TSHZ2: variants seen among roughly 807,000 people sequenced by gnomAD.
The protein encoded by TSHZ2 is teashirt zinc finger homeobox 2, also known as teashirt homolog 2.
A neutral mutation model predicts 74.4 loss-of-function variants in TSHZ2; 21 were observed. The observed-to-expected ratio is 0.28, with a 90% CI of 0.20 to 0.41. The LOEUF is 0.41. Among genes scored for constraint, TSHZ2 ranks in the 10% least tolerant of loss-of-function variants. The probability of loss-of-function intolerance (pLI) is 1.00; values close to 1 mark genes in which losing one functional copy is unlikely to be tolerated. For missense variants in TSHZ2, 1,244 were observed against 1,293.5 expected (o/e 0.96, Z 0.59); for synonymous variants, 540 against 515.3 (o/e 1.05, Z -0.65).
At chr20:53,243,449 T>C (rs1272106981) in intron 1 of TSHZ2, among the ~76,000 whole-genome samples, 1 of 152,176 alleles carries the variant, frequency 6.6e-6, no homozygotes, top group African/African-American at 2.4e-5. Flanking sequence ...TTCTCCCCAA[T>C]CCTTTGATTC....
intron 1 of TSHZ2, among the ~76,000 whole-genome samples, chr20:53,151,717 A>C (rs1392916068): frequency 6.6e-6 from 1 of 152,172 alleles, no homozygotes; most frequent in Non-Finnish European, 1.5e-5. Flanking sequence ...ATCAAAGATA[A>C]GGGATTGTGA....
At chr20:53,250,052 C>G (rs569612001) in intron 1 of TSHZ2, among the ~76,000 whole-genome samples, 1 of 152,036 alleles carries the variant, frequency 6.6e-6, no homozygotes, top group East Asian at 1.9e-4. Flanking sequence ...CGGATTTGCT[C>G]GTGAATCAGC....
chr20:53,034,479 G>T (rs6022236), intron 1 of TSHZ2, among the ~76,000 whole-genome samples: 110,498 of 151,910 alleles, frequency 0.73, 41,679 homozygotes, highest in East Asian at 0.96. Flanking sequence ...CCTGGCTTCA[G>T]GGAGATGACG....
intron 2 of TSHZ2, among the ~76,000 whole-genome samples, chr20:53,323,532 C>T (rs970495375): frequency 7.2e-6 from 1 of 139,312 alleles, no homozygotes; most frequent in Admixed American, 7.4e-5. Context: ...TTCTTCCCAT[C>T]AAAGCCACCC....
At chr20:52,997,259 C>CG (rs141577108) in intron 1 of TSHZ2, among the ~76,000 whole-genome samples, 45,925 of 148,962 alleles carry the variant, frequency 0.31, 7,774 homozygotes, top group Non-Finnish European at 0.41. Flanking sequence ...CATCTTGCCC[C>CG]GGGGGGGGGT....
At chr20:52,977,310 T>C (rs1193621207) in intron 1 of TSHZ2, among the ~76,000 whole-genome samples, 1 of 152,164 alleles carries the variant, frequency 6.6e-6, no homozygotes, top group Non-Finnish European at 1.5e-5. Flanking sequence ...TCCCTCACTT[T>C]GTTTAAACAT....
At chr20:53,438,662 A>G (rs940660782) in intron 2 of TSHZ2, among the ~76,000 whole-genome samples, 3 of 152,154 alleles carry the variant, frequency 2.0e-5, no homozygotes, top group Admixed American at 2.0e-4. Context: ...TGGATCCCCA[A>G]ATAAAAATTA....
intron 1 of TSHZ2, among the ~76,000 whole-genome samples, chr20:53,152,790 A>T (rs1371855468): frequency 1.3e-5 from 2 of 152,192 alleles, no homozygotes; most frequent in African/African-American, 4.8e-5. Context: ...GTGAAATGAT[A>T]AAAGCATAAG....
chr20:53,232,313 T>C (rs2123673616), intron 1 of TSHZ2, among the ~76,000 whole-genome samples: 1 of 152,306 alleles, frequency 6.6e-6, no homozygotes, highest in Admixed American at 6.5e-5. Flanking sequence ...AATTCACACG[T>C]TTATTTTTGC....
intron 2 of TSHZ2, among the ~76,000 whole-genome samples, chr20:53,268,037 G>A (rs6091655): frequency 0.1 from 15,356 of 152,182 alleles, 869 homozygotes; most frequent in Middle Eastern, 0.13. Flanking sequence ...AAAGTCCATG[G>A]AGGCTCAGTG....
At chr20:53,427,463 A>G (rs1381884488) in intron 2 of TSHZ2, among the ~76,000 whole-genome samples, 1 of 151,576 alleles carries the variant, frequency 6.6e-6, no homozygotes, top group African/African-American at 2.4e-5. Flanking sequence ...CAGAATCTGT[A>G]GGGGGAAAAA....
Position 53,293,657 on chromosome 20 carries a change from C to T in TSHZ2, c.*8+37086C>T, listed in dbSNP as rs184717849. Among the ~76,000 whole-genome samples, 74 of 145,706 alleles carry T rather than the reference C, an allele frequency of 5.1e-4. No individual in the cohort carries two copies. In the East Asian group the frequency reaches 0.01, roughly 20 times the overall value. Reference sequence around the variant, plus strand: ...GGATGCTGCTCTGTCAATTACCAGGCATGTACCCAGTGCTGTGCTGGTAAA... The same window carrying T: ...GGATGCTGCTCTGTCAATTACCAGGTATGTACCCAGTGCTGTGCTGGTAAA... On this transcript the variant is annotated intron_variant, in intron 2 of 2. Coordinates refer to ENST00000371497, the MANE Select transcript of TSHZ2 (RefSeq NM_173485.6).
intron 1 of TSHZ2, among the ~76,000 whole-genome samples, chr20:52,983,697 C>A (rs752290659): frequency 6.6e-6 from 1 of 152,216 alleles, no homozygotes; most frequent in African/African-American, 2.4e-5. Context: ...TTTTGCGCAT[C>A]GTGACATCAC....
At chr20:53,266,344 C>T (rs185676236) in intron 2 of TSHZ2, among the ~76,000 whole-genome samples, 7 of 152,234 alleles carry the variant, frequency 4.6e-5, no homozygotes, top group African/African-American at 1.4e-4. Flanking sequence ...AGTATTTGTG[C>T]GCTCTGCCCC....
At chr20:53,427,936 A>G (rs924748453) in intron 2 of TSHZ2, among the ~76,000 whole-genome samples, 2 of 152,224 alleles carry the variant, frequency 1.3e-5, no homozygotes, top group Non-Finnish European at 2.9e-5. Flanking sequence ...GGAGGGGGAC[A>G]TGGGCGAGAT....
intron 2 of TSHZ2, among the ~76,000 whole-genome samples, chr20:53,478,541 T>C (rs74175976): frequency 0.2 from 27,928 of 142,500 alleles, 2,984 homozygotes; most frequent in East Asian, 0.3. Flanking sequence ...AGGGATAGCA[T>C]TGGGAGATAT....
At chr20:53,053,581 GTATATA>G (rs10566003) in intron 1 of TSHZ2, among the ~76,000 whole-genome samples, 8 of 150,010 alleles carry the variant, frequency 5.3e-5, no homozygotes, top group African/African-American at 1.7e-4. Context: ...ATATGTGTGT[GTATATA>G]TATATATATA....
intron 2 of TSHZ2, among the ~76,000 whole-genome samples, chr20:53,357,952 T>G (rs141218647): frequency 6.6e-6 from 1 of 152,214 alleles, no homozygotes. Flanking sequence ...AGAAGATATT[T>G]CTATGAAAAC....
Position 53,255,751 on chromosome 20 carries a change from A to C in TSHZ2, c.2293A>C (p.Ile765Leu), listed in dbSNP as rs1274889232. The C allele has an allele frequency of 3.7e-6, 6 of 1,613,936 alleles. No individual in the cohort carries two copies. Among genetic ancestry groups the C allele is most frequent in the Non-Finnish European group, 5.1e-6 (6 of 1,179,944 alleles). ...RYLFENSDQPIDLTKSKSKKA... is the reference protein window; with the variant it reads ...RYLFENSDQPLDLTKSKSKKA... ...CCTGTTTGAGAACAGCGATCAGCCC[A>C]TTGACCTGACCAAGTCCAAAAGCAA... The change falls in exon 2 of 3, where the codon ATT (isoleucine) becomes CTT (leucine). Residue 765 changes from isoleucine (I) to leucine (L), a missense_variant. Physicochemically the swap from Ile to Leu is conservative, Grantham distance 5. Around this residue, in one of 6 missense-constraint regions of TSHZ2, gnomAD observed 562 missense variants for 544.0 expected, o/e 1.03. Coordinates refer to ENST00000371497, the MANE Select transcript of TSHZ2 (RefSeq NM_173485.6). This position sits in a 1 kb window ranked among gnomAD's most constrained non-coding sequence, Gnocchi z 4.1.
Sources: gnomAD v4.1 joint callset for allele counts (sites outside exome capture counted in the v4.1 genomes callset) on GRCh38, gnomAD v4.1.1 for gene constraint, gnomAD v4.1.1 regional missense constraint, Gnocchi (gnomAD v3.1) non-coding constraint, MANE v1.5 for transcripts, NCBI Gene and HGNC (gene_info 2026-07-23, HGNC 2026-07-21) for gene names.